ATAD2B: variants seen among roughly 807,000 people sequenced by gnomAD.
ATAD2B encodes ATPase family AAA domain containing 2B.
ATAD2B carries 40 observed loss-of-function variants against 167.6 expected under a neutral mutation model. That is an observed-to-expected ratio of 0.24 (90% CI 0.19 to 0.31). The LOEUF (loss-of-function observed/expected upper bound fraction) is 0.31, where lower values mean the gene tolerates loss of function less well. ATAD2B is among the 10% of genes least tolerant of loss of function. The pLI is 1.00. For missense variants in ATAD2B, 1,242 were observed against 1,757.2 expected (o/e 0.71, Z 5.24); for synonymous variants, 579 against 596.5 (o/e 0.97, Z 0.43).
Position 23,757,533 on chromosome 2 carries a change from C to T in ATAD2B, c.3963G>A (p.Ser1321=), listed in dbSNP as rs757493476. The T allele has an allele frequency of 1.8e-5, 28 of 1,593,236 alleles. No individual in the cohort carries two copies. The highest frequency in any genetic ancestry group is 1.6e-5 in the Non-Finnish European group (19 of 1,173,048). ...EDQSKEKPET[S]TENHGDDLEK... ...CAAGATCATCTCCATGATTTTCAGT[C>T]GAAGTTTCTGGTTTTTCTTTTGACT... The change falls in exon 25 of 28, where the codon TCG becomes TCA. Residue 1321 remains serine (S), a synonymous_variant. Coordinates refer to ENST00000238789, the MANE Select transcript of ATAD2B (RefSeq NM_017552.4).
intron 14 of ATAD2B, chr2:23,832,706 G>C (rs1388309870): frequency 6.5e-6 from 1 of 152,708 alleles, no homozygotes; most frequent in African/African-American, 2.4e-5. Flanking sequence ...GACTGTAAGG[G>C]CTGTGATTGG....
At position 23,927,059 on chromosome 2, in the gene ATAD2B, C is replaced by A; in HGVS notation, c.-289G>T. On this transcript the variant is annotated 5_prime_UTR_variant, in exon 1 of 28. The change creates a new upstream start codon in the 5' untranslated region. Transcript: ENST00000238789. Reference sequence around the variant, plus strand: ...CCGAGCGGAGCCGCCATTTCTACCCCTTTCTCTCCCGTTCTCGCTCTCGAG... The same window carrying A: ...CCGAGCGGAGCCGCCATTTCTACCCATTTCTCTCCCGTTCTCGCTCTCGAG... The A allele has an allele frequency of 4.9e-6, 2 of 409,164 alleles. No individual in the cohort carries two copies. Among genetic ancestry groups the A allele is most frequent in the Non-Finnish European group, 4.3e-6 (1 of 230,144 alleles). 25.3% of individuals were successfully genotyped at this position (409,164 alleles called of 1,614,324 possible).
chr2:23,808,171 A>ATTACT (rs1491539109), intron 18 of ATAD2B, among the ~76,000 whole-genome samples: 61 of 65,520 alleles, frequency 9.3e-4, no homozygotes, highest in Non-Finnish European at 1.6e-3. Flanking sequence ...TATATAAGTG[A>ATTACT]TATATATTTA....
At chr2:23,731,046 C>T in the ATAD2B span, among the ~76,000 whole-genome samples, 3 of 150,452 alleles carry the variant, frequency 2.0e-5, no homozygotes, top group South Asian at 2.1e-4. Flanking sequence ...CAATAGGACT[C>T]GGGGCAATTT....
chr2:23,894,051 G>A (rs1276141692), intron 2 of ATAD2B, among the ~76,000 whole-genome samples: 1 of 152,060 alleles, frequency 6.6e-6, no homozygotes, highest in Non-Finnish European at 1.5e-5. Context: ...CATTAGTTCA[G>A]TTTTTTACTC....
At chr2:23,769,433 G>A (rs1325535308) in intron 22 of ATAD2B, among the ~76,000 whole-genome samples, 1 of 151,844 alleles carries the variant, frequency 6.6e-6, no homozygotes, top group Non-Finnish European at 1.5e-5. Context: ...GAGGAAGACA[G>A]CGTCTCTTTA....
At chr2:23,848,827 T>C (rs904703257) in intron 13 of ATAD2B, among the ~76,000 whole-genome samples, 2 of 152,194 alleles carry the variant, frequency 1.3e-5, no homozygotes, top group African/African-American at 2.4e-5. Flanking sequence ...AATGTATAAG[T>C]GTCCATTTTG....
At chr2:23,842,520 G>C (rs1235149624) in intron 13 of ATAD2B, among the ~76,000 whole-genome samples, 2 of 152,128 alleles carry the variant, frequency 1.3e-5, no homozygotes, top group African/African-American at 4.8e-5. Flanking sequence ...TGGTCACTTG[G>C]AGAAGAAAAA....
chr2:23,753,836 C>T (rs1365873703), intron 27 of ATAD2B, among the ~76,000 whole-genome samples: 2 of 152,006 alleles, frequency 1.3e-5, no homozygotes, highest in South Asian at 2.1e-4. Context: ...TGACCACATC[C>T]GACAAGCCCA....
chr2:23,762,455 T>C (rs547029678), intron 23 of ATAD2B, 109 bp from the exon 24 acceptor site: 17 of 1,170,522 alleles, frequency 1.5e-5, no homozygotes, highest in African/African-American at 1.4e-4. Context: ...TCATTAATTA[T>C]ACTAGGGCAG....
downstream of ATAD2B, among the ~76,000 whole-genome samples, chr2:23,744,403 T>C (rs1424884394): frequency 6.6e-6 from 1 of 152,178 alleles, no homozygotes; most frequent in Non-Finnish European, 1.5e-5. Flanking sequence ...CTTTAAAATA[T>C]ATAAATTTTA....
intron 15 of ATAD2B, among the ~76,000 whole-genome samples, chr2:23,826,443 T>A: frequency 6.6e-6 from 1 of 152,168 alleles, no homozygotes; most frequent in East Asian, 1.9e-4. Context: ...AAAGTTAATA[T>A]TAAAGAAATT....
In ATAD2B at chr2:23,786,205, A is replaced by G; in HGVS notation, c.2795T>C (p.Val932Ala). Residue 932 changes from valine (V) to alanine (A), a missense_variant, in exon 21 of 28, where the codon GTG (valine) becomes GCG (alanine). By Grantham distance (64) the Val-to-Ala change is moderately conservative (BLOSUM62 0). Around this residue, in one of 9 missense-constraint regions of ATAD2B, gnomAD observed 204 missense variants for 324.0 expected, o/e 0.63. Transcript: ENST00000238789. ...RKHAALCAME[V>A]LPLALPSPPR... ...TGGAGAAGGTAGTGCAAGAGGAAGCACTTCCATAGCACAAAGAGCTAGAGA... is the reference window on the plus strand; with the variant it reads ...TGGAGAAGGTAGTGCAAGAGGAAGCGCTTCCATAGCACAAAGAGCTAGAGA... The G allele has an allele frequency of 6.3e-7, 1 of 1,581,324 alleles. No homozygotes were observed. Among genetic ancestry groups the G allele is most frequent in the Non-Finnish European group, 8.6e-7 (1 of 1,162,888 alleles).
At chr2:23,790,408 C>T (rs777259508) in intron 19 of ATAD2B, among the ~76,000 whole-genome samples, 2 of 152,226 alleles carry the variant, frequency 1.3e-5, no homozygotes, top group East Asian at 1.9e-4. Flanking sequence ...AGACGTACCA[C>T]GATTTCGTTC....
chr2:23,713,415 A>AG, the ATAD2B span, among the ~76,000 whole-genome samples: 4 of 150,560 alleles, frequency 2.7e-5, no homozygotes, highest in Non-Finnish European at 5.9e-5. Flanking sequence ...TTTTTTTTTA[A>AG]GTAACAGCTT....
chr2:23,880,335 A>G (rs1322830261), intron 7 of ATAD2B, among the ~76,000 whole-genome samples: 1 of 152,152 alleles, frequency 6.6e-6, no homozygotes. Flanking sequence ...TAAATTTGGC[A>G]ATATTAATTT....
At chr2:23,695,598 A>G in the ATAD2B span, 1 of 1,508,098 alleles carries the variant, frequency 6.6e-7, no homozygotes, top group Non-Finnish European at 8.9e-7. This position sits in a 1 kb window ranked among gnomAD's most constrained non-coding sequence, Gnocchi z 7.6. Flanking sequence ...TAGTCTAAGA[A>G]GATTCTGTCT....
At chr2:23,837,005 C>T (rs567444760) in intron 13 of ATAD2B, among the ~76,000 whole-genome samples, 41 of 152,158 alleles carry the variant, frequency 2.7e-4, no homozygotes, top group Non-Finnish European at 5.7e-4. Context: ...CGGACCCACC[C>T]CCTTCTGCCC....
intron 27 of ATAD2B, among the ~76,000 whole-genome samples, chr2:23,752,505 A>G (rs1675470761): frequency 2.0e-5 from 3 of 150,184 alleles, no homozygotes; most frequent in Non-Finnish European, 4.4e-5. Flanking sequence ...GCATATATAT[A>G]TAATTTATAT....
Sources: gnomAD v4.1 joint callset for allele counts (sites outside exome capture counted in the v4.1 genomes callset) on GRCh38, gnomAD v4.1.1 for gene constraint, gnomAD v4.1.1 regional missense constraint, Gnocchi (gnomAD v3.1) non-coding constraint, MANE v1.5 for transcripts, NCBI Gene and HGNC (gene_info 2026-07-23, HGNC 2026-07-21) for gene names.